NTM: variants seen among roughly 807,000 people sequenced by gnomAD.
The protein encoded by NTM is neurotrimin.
Under a neutral mutation model 42.1 loss-of-function variants are expected in NTM, and 13 were observed. That is an observed-to-expected ratio of 0.31 (90% CI 0.20 to 0.49). NTM has a LOEUF of 0.49. NTM is among the 20% of genes least tolerant of loss of function. NTM has a pLI of 0.99. For missense variants in NTM, 373 were observed against 452.8 expected (o/e 0.82, Z 1.60); for synonymous variants, 187 against 179.2 (o/e 1.04, Z -0.35).
rs77381903 is a variant in NTM, at chr11:132,064,540, A to C, written c.168-81742A>C. Among the ~76,000 whole-genome samples the C allele has an allele frequency of 6.4e-3, 981 of 152,330 alleles. 5 individuals are homozygous for C. The highest frequency in any genetic ancestry group is 0.028 in the South Asian group (135 of 4,828). On this transcript the variant is annotated intron_variant, in intron 2 of 8. Transcript: ENST00000683400. ...ACATTCAAGGTGACTGTCAGCAATG[A>C]AGAGTTAATAGTGAGGCCTCCTACA...
chr11:131,915,405 A>T (rs2056133112), intron 2 of NTM, among the ~76,000 whole-genome samples: 3 of 152,204 alleles, frequency 2.0e-5, no homozygotes, highest in Admixed American at 2.0e-4. Context: ...CTTGGAAAGC[A>T]AGAATCATGC....
intron 7 of NTM, among the ~76,000 whole-genome samples, chr11:132,321,024 G>C (rs2095555976): frequency 6.6e-6 from 1 of 151,162 alleles, no homozygotes; most frequent in Admixed American, 6.6e-5. Context: ...AAACCCATCT[G>C]TACATCACCA....
chr11:131,606,843 CAA>C (rs919599321), intron 1 of NTM, among the ~76,000 whole-genome samples: 1 of 151,436 alleles, frequency 6.6e-6, no homozygotes, highest in Admixed American at 6.6e-5. Context: ...TACCCCAGCA[CAA>C]AAAAAAGAGG....
chr11:131,972,722 C>T (rs2063738063), intron 2 of NTM, among the ~76,000 whole-genome samples: 1 of 152,130 alleles, frequency 6.6e-6, no homozygotes, highest in South Asian at 2.1e-4. Context: ...CCATAAGGCT[C>T]TCAATAACCA....
chr11:132,244,662 G>A (rs2090785392), intron 4 of NTM, among the ~76,000 whole-genome samples: 1 of 152,150 alleles, frequency 6.6e-6, no homozygotes, highest in South Asian at 2.1e-4. Flanking sequence ...CATGTCTTCT[G>A]ATCAAAACCA....
At chr11:131,790,749 C>A (rs993674337) in intron 1 of NTM, among the ~76,000 whole-genome samples, 1 of 152,154 alleles carries the variant, frequency 6.6e-6, no homozygotes, top group Non-Finnish European at 1.5e-5. Context: ...ACAGTAAGTC[C>A]TGTGGGAATT....
At chr11:132,216,950 G>A (rs981687260) in intron 4 of NTM, among the ~76,000 whole-genome samples, 1 of 152,210 alleles carries the variant, frequency 6.6e-6, no homozygotes, top group Admixed American at 6.5e-5. Flanking sequence ...GCTGTGGCAG[G>A]ACTCAACTTG....
intron 4 of NTM, among the ~76,000 whole-genome samples, chr11:132,288,627 C>CT (rs57497224): frequency 8.2e-4 from 124 of 150,928 alleles, no homozygotes; most frequent in Admixed American, 1.2e-3. Context: ...CTTTCTTTTT[C>CT]TTTTTTTTTG....
intron 1 of NTM, among the ~76,000 whole-genome samples, chr11:131,510,319 C>A (rs1294487549): frequency 1.3e-5 from 2 of 152,194 alleles, no homozygotes; most frequent in Non-Finnish European, 2.9e-5. Context: ...ACCACTTCAG[C>A]CCAGAGCAGC....
intron 1 of NTM, among the ~76,000 whole-genome samples, chr11:131,478,582 T>C (rs1420208470): frequency 6.6e-6 from 1 of 152,156 alleles, no homozygotes; most frequent in Non-Finnish European, 1.5e-5. Context: ...CATTGCTAAA[T>C]GAATGAAGGC....
intron 2 of NTM, among the ~76,000 whole-genome samples, chr11:132,124,417 A>G (rs4561220): frequency 0.53 from 80,424 of 152,102 alleles, 22,336 homozygotes; most frequent in African/African-American, 0.68. Flanking sequence ...AGCTCTTGGC[A>G]CCTGCGCCTT....
intron 1 of NTM, among the ~76,000 whole-genome samples, chr11:131,567,555 A>G (rs1008532942): frequency 5.3e-5 from 8 of 152,198 alleles, no homozygotes; most frequent in Non-Finnish European, 1.0e-4. Flanking sequence ...TGGAAAGCCT[A>G]AAAGACGTGT....
At chr11:132,323,095 C>A (rs1453796262) in intron 7 of NTM, among the ~76,000 whole-genome samples, 1 of 130,764 alleles carries the variant, frequency 7.6e-6, no homozygotes, top group Non-Finnish European at 1.6e-5. Flanking sequence ...CCAAAATTGA[C>A]ACCCTAACAT....
At chr11:132,312,211 G>C (rs970927900) in intron 6 of NTM, among the ~76,000 whole-genome samples, 5 of 152,164 alleles carry the variant, frequency 3.3e-5, no homozygotes, top group African/African-American at 1.2e-4. Context: ...GTCTGCCCTG[G>C]GGGGAAGGCC....
At chr11:132,079,765 G>A (rs892750947) in intron 2 of NTM, among the ~76,000 whole-genome samples, 1 of 152,128 alleles carries the variant, frequency 6.6e-6, no homozygotes, top group African/African-American at 2.4e-5. Flanking sequence ...TATGAAGTAG[G>A]ACCTTGCTCT....
intron 1 of NTM, among the ~76,000 whole-genome samples, chr11:131,757,852 C>A (rs1224625791): frequency 6.6e-6 from 1 of 152,058 alleles, no homozygotes; most frequent in African/African-American, 2.4e-5. Flanking sequence ...AGGAAAGAAA[C>A]CCACCCCAAC....
chr11:131,458,284 C>A lies in NTM; in HGVS notation c.82+87396C>A, dbSNP rs61677370. The stretch of plus-strand genomic sequence containing the variant: ...TGAGCTGAGAACTAAGAAGAGACTG[C>A]TGGGTTTGGCTATGCCGAGATCACC... On this transcript the variant is annotated intron_variant, in intron 1 of 8. Transcript: ENST00000683400. Among the ~76,000 whole-genome samples the A allele has an allele frequency of 5.6e-3, 850 of 152,258 alleles. 11 individuals carry two copies. Among genetic ancestry groups the A allele is most frequent in the African/African-American group, 0.019 (800 of 41,546 alleles).
At chr11:132,010,742 T>A (rs1038148957) in intron 2 of NTM, among the ~76,000 whole-genome samples, 23 of 152,052 alleles carry the variant, frequency 1.5e-4, no homozygotes, top group African/African-American at 5.3e-4. Flanking sequence ...TGTCTTTCTG[T>A]CTCCCTGTAA....
chr11:131,788,734 T>C (rs1310795966), intron 1 of NTM, among the ~76,000 whole-genome samples: 1 of 152,188 alleles, frequency 6.6e-6, no homozygotes, highest in African/African-American at 2.4e-5. Flanking sequence ...ATCTTTGGTA[T>C]TTTTTAGGGT....
Sources: allele counts gnomAD v4.1 joint callset (sites outside exome capture counted in the v4.1 genomes callset), GRCh38; gene constraint gnomAD v4.1.1; transcripts MANE v1.5; gene names NCBI Gene and HGNC (gene_info 2026-07-23, HGNC 2026-07-21).